Variants in TUSC3 observed in about 807,000 individuals in gnomAD.
The protein encoded by TUSC3 is dolichyl-diphosphooligosaccharide--protein glycosyltransferase subunit TUSC3.
A neutral mutation model predicts 44.8 loss-of-function variants in TUSC3; 45 were observed. The ratio of observed to expected loss-of-function variants is 1.00; its 90% CI spans 0.79 to 1.29. The LOEUF is 1.29. TUSC3 is among the 50% of genes most tolerant of loss of function. The pLI is 0.00. For missense variants in TUSC3, 519 were observed against 437.9 expected, an observed-to-expected ratio of 1.19 and a Z score of -1.65; for synonymous variants, 212 against 152.9, an observed-to-expected ratio of 1.39 and a Z score of -2.85.
rs556507765 is a variant in TUSC3, at chr8:15,554,762, C to T, written c.138+14194C>T. Among the ~76,000 whole-genome samples, 8 of 150,204 alleles carry T rather than the reference C, an allele frequency of 5.3e-5. 1 individual carries two copies. The East Asian group carries it at 5.9e-4, about 11-fold the overall frequency. ...GGACCACAGGCGCCCTCACCACGCC[C>T]GGCTAATTTTTTTTTTGTATTTTTA... On this transcript the variant is annotated intron_variant, in intron 1 of 10. Transcript: ENST00000503731.
At chr8:15,425,106 C>T (rs188729999) in intron 1 of TUSC3, among the ~76,000 whole-genome samples, 249 of 152,150 alleles carry the variant, frequency 1.6e-3, no homozygotes, top group African/African-American at 5.4e-3. Context: ...GTAAGCTTTG[C>T]AGAGGTAGGC....
the TUSC3 span, among the ~76,000 whole-genome samples, chr8:15,810,966 G>A: frequency 1.3e-5 from 2 of 152,110 alleles, no homozygotes; most frequent in Non-Finnish European, 2.9e-5. Context: ...AGACATGATC[G>A]TGTGGAGCTT....
At chr8:15,434,276 T>C (rs1344143591) in intron 1 of TUSC3, among the ~76,000 whole-genome samples, 1 of 152,178 alleles carries the variant, frequency 6.6e-6, no homozygotes, top group Non-Finnish European at 1.5e-5. Flanking sequence ...CTTTGACTGG[T>C]ATTAACTGGC....
At position 15,673,826 on chromosome 8, in the gene TUSC3, A is replaced by G. The variant is rs747423608; in HGVS notation, c.788A>G (p.Asn263Ser). 6.8e-6 allele frequency: 11 copies of G among 1,612,044 alleles called. No homozygotes were observed. The highest frequency in any genetic ancestry group is 1.7e-5 in the Admixed American group (1 of 59,900). ...GPPYAHKNPH[N>S]GQVSYIHGSS... ...CCATATGCTCATAAGAACCCACACAATGGACAAGTGGTAAGTGTAATTTAT... is the reference window on the plus strand; with the variant it reads ...CCATATGCTCATAAGAACCCACACAGTGGACAAGTGGTAAGTGTAATTTAT... Residue 263 changes from asparagine (N) to serine (S), a missense_variant, in exon 6 of 11, where the codon AAT becomes AGT. Transcript: ENST00000503731.
Position 15,626,887 on chromosome 8 carries a change from T to C in TUSC3, c.308+3638T>C, listed in dbSNP as rs1022613185. ...CAGGTGCCCCTTGGCAAGAACAACC[T>C]GGGCACCATGAATGGCTGCAGGAGG... is the stretch of plus-strand genomic sequence containing the variant. On this transcript the variant is annotated intron_variant, in intron 2 of 10. Transcript: ENST00000503731. Among the ~76,000 whole-genome samples, 4 of 152,192 alleles carry C rather than the reference T, an allele frequency of 2.6e-5. No homozygotes were observed. In the East Asian group the frequency reaches 7.7e-4, roughly 29 times the overall value.
intron 1 of TUSC3, among the ~76,000 whole-genome samples, chr8:15,423,970 T>TTTTTG (rs1467475686): frequency 1.9e-4 from 4 of 21,330 alleles, no homozygotes; most frequent in East Asian, 8.3e-4. Flanking sequence ...TTTTGCTTTG[T>TTTTTG]TTTTTTTTTT....
intron 2 of TUSC3, among the ~76,000 whole-genome samples, chr8:15,633,410 T>C (rs1419781735): frequency 6.6e-6 from 1 of 152,172 alleles, no homozygotes. Context: ...TCCTGTTATA[T>C]GTGGAATTGT....
chr8:15,648,740 A>AG (rs1436101868), intron 2 of TUSC3, among the ~76,000 whole-genome samples: 27 of 146,240 alleles, frequency 1.8e-4, no homozygotes, highest in African/African-American at 6.1e-4. Context: ...AAAAAAAAAA[A>AG]AAAAAAAAAA....
At chr8:15,688,014 A>G (rs556399718) in intron 6 of TUSC3, among the ~76,000 whole-genome samples, 2 of 152,180 alleles carry the variant, frequency 1.3e-5, no homozygotes, top group Non-Finnish European at 2.9e-5. Flanking sequence ...AGGAGAAAGG[A>G]TAAGAACAAA....
chr8:15,552,690 C>A (rs1238929086), intron 1 of TUSC3, among the ~76,000 whole-genome samples: 1 of 151,542 alleles, frequency 6.6e-6, no homozygotes, highest in Admixed American at 6.6e-5. Context: ...AAGTGAGGAT[C>A]AAATCTTGAA....
intron 1 of TUSC3, among the ~76,000 whole-genome samples, chr8:15,582,136 C>T (rs930889405): frequency 6.6e-6 from 1 of 152,222 alleles, no homozygotes; most frequent in Non-Finnish European, 1.5e-5. Flanking sequence ...TTGCGCTTCC[C>T]AAGTGAGGCA....
intron 2 of TUSC3, among the ~76,000 whole-genome samples, chr8:15,506,391 T>C (rs925660076): frequency 2.0e-5 from 3 of 152,200 alleles, no homozygotes; most frequent in Admixed American, 2.0e-4. Flanking sequence ...ACTCCACATT[T>C]CTGTGTAAAA....
rs890600725 is a variant in TUSC3, at chr8:15,564,560, G to C, written c.138+23992G>C. ...GAGCTACTTATGTCATTTTCCTTCT[G>C]TGTCTTTCATTCTTTTATTAGATTT... is the stretch of plus-strand genomic sequence containing the variant. On this transcript the variant is annotated intron_variant, in intron 1 of 10. Coordinates refer to ENST00000503731, the MANE Select transcript of TUSC3 (RefSeq NM_006765.4). 4.6e-5 allele frequency among the ~76,000 whole-genome samples: 7 copies of C among 152,008 alleles called. No individual in the cohort carries two copies. The East Asian group carries it at 1.3e-3, about 29-fold the overall frequency.
At position 15,680,671 on chromosome 8, in the gene TUSC3, C is replaced by G. The variant is rs1808386693; in HGVS notation, c.798+6835C>G. ...GACATCCTTGTCTTGTTCCAGTTCT[C>G]AGGGAGAATGGTTCCAGCTTTTGCC... On this transcript the variant is annotated intron_variant, in intron 6 of 10. Transcript: ENST00000503731. 2.0e-5 allele frequency among the ~76,000 whole-genome samples: 3 copies of G among 152,182 alleles called. No homozygotes were observed. The South Asian group carries it at 6.2e-4, about 32-fold the overall frequency.
Position 15,517,962 on chromosome 8 carries a change from C to T in TUSC3, n.189+34479C>T, listed in dbSNP as rs145959032. ...GCAACTATTTACATTTGAAAACATC[C>T]TTACAACCCTCAAGAACAAACAAAA... On this transcript the variant is annotated intron_variant and non_coding_transcript_variant, in intron 2 of 5. Transcript: ENST00000503191. Among the ~76,000 whole-genome samples, 113 of 147,944 alleles carry T rather than the reference C, an allele frequency of 7.6e-4. 1 individual carries two copies. The East Asian group carries it at 0.02, about 26-fold the overall frequency.
At chr8:15,637,257 C>T (rs1585178930) in intron 2 of TUSC3, among the ~76,000 whole-genome samples, 1 of 152,024 alleles carries the variant, frequency 6.6e-6, no homozygotes, top group East Asian at 1.9e-4. Context: ...TGTTTTTGTT[C>T]TCTTACCTGC....
chr8:15,810,335 T>C, the TUSC3 span, among the ~76,000 whole-genome samples: 1 of 152,144 alleles, frequency 6.6e-6, no homozygotes, highest in African/African-American at 2.4e-5. Context: ...AGATGTTGAA[T>C]ACTCTGGGGA....
At chr8:15,502,609 G>T (rs978984949) in intron 2 of TUSC3, among the ~76,000 whole-genome samples, 10 of 152,192 alleles carry the variant, frequency 6.6e-5, no homozygotes, top group African/African-American at 1.9e-4. Context: ...TCCTGTCTCA[G>T]CCTCCCAAGT....
chr8:15,520,200 A>G (rs140681278), intron 2 of TUSC3, among the ~76,000 whole-genome samples: 1 of 152,234 alleles, frequency 6.6e-6, no homozygotes, highest in Non-Finnish European at 1.5e-5. Context: ...AACACTGAGA[A>G]AGAGGAAAAA....
Sources: gnomAD v4.1 joint callset for allele counts (sites outside exome capture counted in the v4.1 genomes callset) on GRCh38, gnomAD v4.1.1 for gene constraint, MANE v1.5 for transcripts, NCBI Gene and HGNC (gene_info 2026-07-23, HGNC 2026-07-21) for gene names.